CEMIP: variants seen among roughly 807,000 people sequenced by gnomAD.
The protein encoded by CEMIP is cell migration-inducing and hyaluronan-binding protein.
A neutral mutation model predicts 156.9 loss-of-function variants in CEMIP; 105 were observed. That is an observed-to-expected ratio of 0.67 (90% CI 0.57 to 0.79). The LOEUF is 0.79. CEMIP is among the 30% of genes least tolerant of loss of function. The probability of loss-of-function intolerance (pLI) is 0.00; values close to 1 mark genes in which losing one functional copy is unlikely to be tolerated. For missense variants in CEMIP, 1,457 were observed against 1,769.4 expected (o/e 0.82, Z 3.17); for synonymous variants, 676 against 668.4 (o/e 1.01, Z -0.17).
intron 1 of CEMIP, among the ~76,000 whole-genome samples, chr15:80,819,229 C>A (rs1896856978): frequency 6.6e-6 from 1 of 152,194 alleles, no homozygotes; most frequent in African/African-American, 2.4e-5. Context: ...TCACTCATTT[C>A]CCTTTTTGCA....
At chr15:80,875,021 ATTTTTTTTTTTTTTTTT>A (rs755707756) in intron 3 of CEMIP, among the ~76,000 whole-genome samples, 14 of 64,916 alleles carry the variant, frequency 2.2e-4, no homozygotes, top group Admixed American at 8.7e-4. Flanking sequence ...AGCAAGTAGC[ATTTTTTTTTTTTTTTTT>A]TTTTTTTTTT....
chr15:80,879,059 A>G (rs1898559991), intron 4 of CEMIP, among the ~76,000 whole-genome samples, 192 bp downstream of exon 4: 1 of 152,196 alleles, frequency 6.6e-6, no homozygotes, highest in Non-Finnish European at 1.5e-5. Context: ...GTCCAATCTT[A>G]GTGAAAGGAG....
intron 1 of CEMIP, among the ~76,000 whole-genome samples, chr15:80,858,588 G>A (rs1897910155): frequency 1.3e-5 from 2 of 151,804 alleles, no homozygotes; most frequent in Non-Finnish European, 2.9e-5. Context: ...AGCTGGGTGT[G>A]GTGGCACATG....
In CEMIP at chr15:80,841,228, A is replaced by T. The variant is rs574607162; in HGVS notation, c.-175-32310A>T. Among the ~76,000 whole-genome samples the T allele has an allele frequency of 1.4e-4, 22 of 152,290 alleles. No homozygotes were observed. The South Asian group carries it at 2.7e-3, about 19-fold the overall frequency. ...ACTTCCCCAATTTAAAAAATGTTTAAAAACACTATGCAGGACGACCTATAC... is the reference window on the plus strand; with the variant it reads ...ACTTCCCCAATTTAAAAAATGTTTATAAACACTATGCAGGACGACCTATAC... On this transcript the variant is annotated intron_variant, in intron 1 of 29. Transcript: ENST00000394685.
At chr15:80,880,057 G>C (rs552980783) in intron 5 of CEMIP, among the ~76,000 whole-genome samples, 42 of 152,316 alleles carry the variant, frequency 2.8e-4, no homozygotes, top group African/African-American at 9.9e-4. Context: ...ATAGTGGCCT[G>C]GATGCTGTAC....
At chr15:80,945,302 C>T (rs1467275755) in intron 28 of CEMIP, among the ~76,000 whole-genome samples, 1 of 152,220 alleles carries the variant, frequency 6.6e-6, no homozygotes, top group Non-Finnish European at 1.5e-5. Context: ...GGTGGGGACA[C>T]AAGAAGCCCA....
chr15:80,870,656 C>A (rs1898259819), intron 1 of CEMIP, among the ~76,000 whole-genome samples: 4 of 152,216 alleles, frequency 2.6e-5, no homozygotes, highest in Admixed American at 2.6e-4. Context: ...GCAAGCAACG[C>A]CTCCTGCCCC....
At chr15:80,882,757 T>C (rs868488056) in intron 6 of CEMIP, among the ~76,000 whole-genome samples, 6 of 149,960 alleles carry the variant, frequency 4.0e-5, no homozygotes, top group South Asian at 2.1e-4. Context: ...TGCACACACA[T>C]ACACACACAC....
chr15:80,812,660 T>A (rs1896697945), intron 1 of CEMIP, among the ~76,000 whole-genome samples: 1 of 152,222 alleles, frequency 6.6e-6, no homozygotes, highest in Non-Finnish European at 1.5e-5. Flanking sequence ...AGAATTCTCA[T>A]ATTTTTTTCA....
At chr15:80,810,107 G>A (rs183747200) in intron 1 of CEMIP, among the ~76,000 whole-genome samples, 1 of 152,116 alleles carries the variant, frequency 6.6e-6, no homozygotes, top group East Asian at 1.9e-4. Flanking sequence ...AATCTTGGTG[G>A]GGGGATCTTA....
At chr15:80,931,777 C>A in intron 21 of CEMIP, 82 bp from the exon 22 acceptor site, 1 of 1,390,568 alleles carries the variant, frequency 7.2e-7, no homozygotes, top group African/African-American at 1.4e-5. Flanking sequence ...GCAAACATGG[C>A]GTTTAGACTG....
intron 1 of CEMIP, among the ~76,000 whole-genome samples, chr15:80,863,535 T>A (rs1426220869): frequency 1.3e-5 from 2 of 152,212 alleles, no homozygotes; most frequent in African/African-American, 4.8e-5. Flanking sequence ...ATGATGTGGA[T>A]GCAGAGGGAG....
intron 12 of CEMIP, among the ~76,000 whole-genome samples, chr15:80,905,297 T>G (rs1200860806): frequency 6.6e-6 from 1 of 152,174 alleles, no homozygotes; most frequent in Admixed American, 6.5e-5. Context: ...TGTCTGTAAT[T>G]GTATCCTCAA....
chr15:80,809,313 C>A (rs141442416), intron 1 of CEMIP, among the ~76,000 whole-genome samples: 1 of 152,106 alleles, frequency 6.6e-6, no homozygotes, highest in Non-Finnish European at 1.5e-5. Flanking sequence ...TGTAATCATA[C>A]GTAGCTATTT....
chr15:80,806,323 AT>A lies in CEMIP; in HGVS notation c.-176+26710del, dbSNP rs1896513098. On this transcript the variant is annotated intron_variant, in intron 1 of 29. Transcript: ENST00000394685. Reference sequence around the variant, plus strand: ...GTGCAGCACTTCATTACAAGGGCTTATCCAGTTGATCTAGAAGAAAGGCTTG... The same window carrying A: ...GTGCAGCACTTCATTACAAGGGCTTACCAGTTGATCTAGAAGAAAGGCTTG... Among the ~76,000 whole-genome samples, 4 of 117,960 alleles carry A rather than the reference AT, an allele frequency of 3.4e-5. No individual in the cohort carries two copies. In the South Asian group the frequency reaches 9.9e-4, roughly 29 times the overall value. The allele number at this position is 117,960 out of a possible 152,430, so 77.4% of individuals were successfully genotyped here.
chr15:80,946,757 T>C lies in CEMIP; in HGVS notation c.3858-208T>C, dbSNP rs77553032. 4,178 of 591,622 alleles carry C rather than the reference T, an allele frequency of 7.1e-3. 136 individuals carry two copies. The highest frequency in any genetic ancestry group is 0.067 in the African/African-American group (3,667 of 54,754). The allele number at this position is 591,622 out of a possible 1,614,324, so 36.6% of individuals were successfully genotyped here. On this transcript the variant is annotated intron_variant, in intron 28 of 29. Coordinates refer to ENST00000394685, the MANE Select transcript of CEMIP (RefSeq NM_001293298.2). ...TGTGGGCACCAACTGTGGCCAGATG[T>C]GTGGGAGGGAGCTCAGGATGTTCGT...
At chr15:80,891,157 C>T (rs539514329) in intron 10 of CEMIP, among the ~76,000 whole-genome samples, 60 of 152,354 alleles carry the variant, frequency 3.9e-4, no homozygotes, top group African/African-American at 1.4e-3. Context: ...TCTGGAAATG[C>T]TCAAGGAATG....
chr15:80,937,691 G>A lies in CEMIP; in HGVS notation c.3222-103G>A, dbSNP rs1177534660. ...AAATTTCCCATACAAAAGTGGAGGT[G>A]TCATTTGGTGGAGATTTTTTGGTCT... On this transcript the variant is annotated intron_variant, in intron 24 of 29. Coordinates refer to ENST00000394685, the MANE Select transcript of CEMIP (RefSeq NM_001293298.2). 10 of 1,033,936 alleles carry A rather than the reference G, an allele frequency of 9.7e-6. No homozygotes were observed. In the East Asian group the frequency reaches 2.4e-4, roughly 25 times the overall value. 64.0% of individuals were successfully genotyped at this position (1,033,936 alleles called of 1,614,324 possible).
intron 1 of CEMIP, among the ~76,000 whole-genome samples, chr15:80,801,285 C>T (rs1318235350): frequency 6.6e-6 from 1 of 152,206 alleles, no homozygotes; most frequent in African/African-American, 2.4e-5. Flanking sequence ...CTAATCTCAA[C>T]TCTGTTTTGT....
Sources: allele counts gnomAD v4.1 joint callset (sites outside exome capture counted in the v4.1 genomes callset), GRCh38; gene constraint gnomAD v4.1.1; transcripts MANE v1.5; gene names NCBI Gene and HGNC (gene_info 2026-07-23, HGNC 2026-07-21).